SLC14A2: variants seen among roughly 807,000 people sequenced by gnomAD.
SLC14A2 encodes solute carrier family 14 member 2, also known as urea transporter 2.
Under a neutral mutation model 104.6 loss-of-function variants are expected in SLC14A2, and 91 were observed. That is an observed-to-expected ratio of 0.87 (90% CI 0.73 to 1.04). The LOEUF is 1.04. Ranked by LOEUF, SLC14A2 falls within the 50% of genes least tolerant of loss-of-function variation. The pLI is 0.00. For synonymous variants in SLC14A2, 476 were observed against 466.4 expected (o/e 1.02, Z -0.27); for missense variants, 1,189 against 1,156.0 (o/e 1.03, Z -0.41).
chr18:45,376,019 A>G (rs1245517061), intron 1 of SLC14A2, among the ~76,000 whole-genome samples: 3 of 150,932 alleles, frequency 2.0e-5, no homozygotes, highest in Non-Finnish European at 2.9e-5. Context: ...CCATTGCCCA[A>G]TTTGGAAGAG....
chr18:45,336,091 G>T (rs552558205), intron 1 of SLC14A2, among the ~76,000 whole-genome samples: 1 of 152,224 alleles, frequency 6.6e-6, no homozygotes, highest in East Asian at 1.9e-4. Context: ...GGTTTAGAAA[G>T]ACCCTAAAGG....
chr18:45,506,747 G>A (rs1166206091), intron 2 of SLC14A2, among the ~76,000 whole-genome samples: 5 of 152,198 alleles, frequency 3.3e-5, no homozygotes, highest in African/African-American at 7.2e-5. Context: ...CTTCAGAACT[G>A]TGAAAGAATG....
At chr18:45,535,194 T>C (rs182379688) in intron 2 of SLC14A2, among the ~76,000 whole-genome samples, 1 of 152,312 alleles carries the variant, frequency 6.6e-6, no homozygotes, top group East Asian at 1.9e-4. Context: ...TCACTGCCCT[T>C]CATTTGCCGG....
chr18:45,271,392 A>G (rs1247151292), intron 1 of SLC14A2, among the ~76,000 whole-genome samples: 2 of 152,170 alleles, frequency 1.3e-5, no homozygotes, highest in Non-Finnish European at 2.9e-5. Context: ...CAGGAAATTT[A>G]TGACTTGAAT....
chr18:45,277,563 C>A (rs148674677), intron 1 of SLC14A2, among the ~76,000 whole-genome samples: 20 of 152,252 alleles, frequency 1.3e-4, no homozygotes, highest in African/African-American at 4.3e-4. Context: ...CATATGCCAC[C>A]ACACCCAGCT....
intron 2 of SLC14A2, chr18:45,550,304 C>T (rs2044039157): frequency 6.6e-6 from 1 of 152,230 alleles, no homozygotes; most frequent in African/African-American, 2.4e-5. Context: ...GCCCTAGCCA[C>T]ACAGAACCAT....
intron 1 of SLC14A2, among the ~76,000 whole-genome samples, chr18:45,261,865 C>T (rs1448998427): frequency 6.6e-6 from 1 of 152,188 alleles, no homozygotes; most frequent in African/African-American, 2.4e-5. Context: ...CCGCAATAAA[C>T]GTACATGTGC....
intron 1 of SLC14A2, among the ~76,000 whole-genome samples, chr18:45,481,089 T>C (rs1282311407): frequency 6.6e-6 from 1 of 152,018 alleles, no homozygotes; most frequent in Non-Finnish European, 1.5e-5. Flanking sequence ...GTGTGAGGCT[T>C]GAGGGAGGAA....
At chr18:45,223,428 GA>G (rs1014767760) in intron 1 of SLC14A2, among the ~76,000 whole-genome samples, 2 of 152,030 alleles carry the variant, frequency 1.3e-5, no homozygotes, top group Admixed American at 6.6e-5. Context: ...GAACACAAGG[GA>G]AAAAAATTTA....
At chr18:45,504,409 C>T (rs567472047) in intron 2 of SLC14A2, among the ~76,000 whole-genome samples, 8 of 152,106 alleles carry the variant, frequency 5.3e-5, no homozygotes, top group African/African-American at 1.9e-4. Context: ...GAACCATTTG[C>T]CAGACCACAG....
At chr18:45,310,688 A>T (rs1009831733) in intron 1 of SLC14A2, among the ~76,000 whole-genome samples, 5 of 152,230 alleles carry the variant, frequency 3.3e-5, no homozygotes, top group African/African-American at 1.2e-4. Flanking sequence ...CTGCTTTCGG[A>T]GATGTAAGTG....
the SLC14A2 span, among the ~76,000 whole-genome samples, chr18:45,201,928 C>A: frequency 6.6e-6 from 1 of 152,076 alleles, no homozygotes; most frequent in Admixed American, 6.5e-5. Flanking sequence ...CAGAATTTCA[C>A]CCTTAATTGG....
At chr18:45,410,466 T>C (rs555772820) in intron 1 of SLC14A2, among the ~76,000 whole-genome samples, 1 of 152,300 alleles carries the variant, frequency 6.6e-6, no homozygotes, top group African/African-American at 2.4e-5. Flanking sequence ...TAACCTCATA[T>C]GATATATATA....
At chr18:45,395,569 A>G (rs745613549) in intron 1 of SLC14A2, among the ~76,000 whole-genome samples, 2 of 152,198 alleles carry the variant, frequency 1.3e-5, no homozygotes, top group African/African-American at 2.4e-5. Context: ...TTACCACATA[A>G]TAAAAAAGAA....
chr18:45,506,465 T>C (rs1174018000), intron 2 of SLC14A2, among the ~76,000 whole-genome samples: 2 of 152,136 alleles, frequency 1.3e-5, no homozygotes, highest in Non-Finnish European at 2.9e-5. Context: ...GTGAATTTAT[T>C]TGGAATAAGA....
At chr18:45,636,038 T>TG (rs1227277524) in intron 5 of SLC14A2, among the ~76,000 whole-genome samples, 1 of 152,010 alleles carries the variant, frequency 6.6e-6, no homozygotes, top group Non-Finnish European at 1.5e-5. Flanking sequence ...TAAAGCCAGG[T>TG]GGTTGGCGGA....
intron 2 of SLC14A2, among the ~76,000 whole-genome samples, chr18:45,544,786 C>CTTTTT (rs71373715): frequency 2.0e-3 from 181 of 88,816 alleles, no homozygotes; most frequent in Non-Finnish European, 2.5e-3. Flanking sequence ...TCAATAATGT[C>CTTTTT]TTTTTTTTTT....
intron 1 of SLC14A2, among the ~76,000 whole-genome samples, chr18:45,430,488 G>A (rs1385392540): frequency 1.3e-5 from 2 of 152,198 alleles, no homozygotes; most frequent in African/African-American, 2.4e-5. Context: ...TCAGAAAAGG[G>A]AGAGATCTGT....
chr18:45,355,201 G>A (rs187077161), intron 1 of SLC14A2, among the ~76,000 whole-genome samples: 24 of 152,186 alleles, frequency 1.6e-4, no homozygotes, highest in Non-Finnish European at 3.1e-4. Flanking sequence ...TACAGTGCAC[G>A]GGGCCTGGCA....
Sources: gnomAD v4.1 joint callset for allele counts (sites outside exome capture counted in the v4.1 genomes callset) on GRCh38, gnomAD v4.1.1 for gene constraint, MANE v1.5 for transcripts, NCBI Gene and HGNC (gene_info 2026-07-23, HGNC 2026-07-21) for gene names.